The following ANKFN1 variants were observed in gnomAD, a reference collection of about 807,000 sequenced individuals.
The protein encoded by ANKFN1 is ankyrin repeat and fibronectin type-III domain-containing protein 1.
In ANKFN1, 74 loss-of-function variants were observed where a neutral mutation model predicts 108.7. The observed-to-expected ratio is 0.68, with a 90% CI of 0.56 to 0.83. ANKFN1 has a LOEUF of 0.83. Among genes scored for constraint, ANKFN1 ranks in the 40% least tolerant of loss-of-function variants. ANKFN1 has a pLI of 0.00. For synonymous variants in ANKFN1, 547 were observed against 516.2 expected (o/e 1.06, Z -0.81); for missense variants, 1,505 against 1,382.3 (o/e 1.09, Z -1.41).
At chr17:56,265,779 C>T (rs1348252458) in intron 3 of ANKFN1, among the ~76,000 whole-genome samples, 1 of 152,260 alleles carries the variant, frequency 6.6e-6, no homozygotes, top group African/African-American at 2.4e-5. Context: ...CTTATAATAC[C>T]TAATACAATG....
intron 10 of ANKFN1, among the ~76,000 whole-genome samples, chr17:56,444,958 G>C (rs1040627301): frequency 1.7e-4 from 26 of 152,224 alleles, no homozygotes; most frequent in African/African-American, 6.0e-4. Flanking sequence ...ACTACACCAG[G>C]TCAGACAGGG....
intron 8 of ANKFN1, among the ~76,000 whole-genome samples, chr17:56,393,477 C>T (rs1323833762): frequency 1.3e-5 from 2 of 152,274 alleles, no homozygotes; most frequent in East Asian, 3.9e-4. Context: ...GCATGCCTGT[C>T]TCTATGGATA....
intron 4 of ANKFN1, among the ~76,000 whole-genome samples, chr17:56,117,991 T>C (rs559377271): frequency 6.6e-5 from 10 of 152,258 alleles, no homozygotes; most frequent in Non-Finnish European, 1.5e-4. Context: ...CAAAATGTTG[T>C]CTTTTGTGAC....
At chr17:56,165,667 T>C (rs577332277) in intron 1 of ANKFN1, among the ~76,000 whole-genome samples, 2 of 152,064 alleles carry the variant, frequency 1.3e-5, no homozygotes, top group Non-Finnish European at 1.5e-5. Flanking sequence ...AGTTTTCATA[T>C]GGGTGTTTGG....
At chr17:56,315,235 T>C (rs921888170) in intron 3 of ANKFN1, among the ~76,000 whole-genome samples, 4 of 152,240 alleles carry the variant, frequency 2.6e-5, no homozygotes, top group Non-Finnish European at 5.9e-5. Flanking sequence ...TGTAGCATGA[T>C]TCATTCTCTC....
At chr17:56,203,470 C>T (rs1914232159) in intron 1 of ANKFN1, among the ~76,000 whole-genome samples, 1 of 152,208 alleles carries the variant, frequency 6.6e-6, no homozygotes, top group Non-Finnish European at 1.5e-5. Flanking sequence ...GGACTTTGAT[C>T]TCCGTGGCCA....
At chr17:56,481,428 A>T (rs905048205) in intron 17 of ANKFN1, among the ~76,000 whole-genome samples, 1 of 152,164 alleles carries the variant, frequency 6.6e-6, no homozygotes, top group African/African-American at 2.4e-5. Context: ...AACATGAGGT[A>T]GCATTATTTA....
chr17:56,083,532 T>G (rs1339548154), intron 4 of ANKFN1, among the ~76,000 whole-genome samples: 1 of 151,474 alleles, frequency 6.6e-6, no homozygotes, highest in Non-Finnish European at 1.5e-5. Flanking sequence ...ATGTAGCTAT[T>G]GAACTTAAAC....
At chr17:56,220,049 TA>T (rs1915727305) in intron 2 of ANKFN1, among the ~76,000 whole-genome samples, 1 of 152,216 alleles carries the variant, frequency 6.6e-6, no homozygotes, top group African/African-American at 2.4e-5. Context: ...AGTATGCTGG[TA>T]AACTTATTCT....
rs1471449184 is a variant in ANKFN1, at chr17:56,513,654, G to T, written c.*2385G>T. Among the ~76,000 whole-genome samples the T allele has an allele frequency of 1.3e-5, 2 of 152,140 alleles. No homozygotes were observed. Among genetic ancestry groups the T allele is most frequent in the Non-Finnish European group, 2.9e-5 (2 of 68,026 alleles). On this transcript the variant is annotated 3_prime_UTR_variant, in exon 21 of 21. Coordinates refer to ENST00000682825, the MANE Select transcript of ANKFN1 (RefSeq NM_001370326.1). ...ACCCACCCTTCTGACCCCTCATTTGGTCAGTAAGTTCTGGCATACTGGACC... is the reference window on the plus strand; with the variant it reads ...ACCCACCCTTCTGACCCCTCATTTGTTCAGTAAGTTCTGGCATACTGGACC...
intron 3 of ANKFN1, among the ~76,000 whole-genome samples, chr17:56,246,253 T>A (rs1277656078): frequency 1.3e-5 from 2 of 152,198 alleles, no homozygotes; most frequent in African/African-American, 2.4e-5. Flanking sequence ...TCTTGGCCTT[T>A]TGGCTATGAT....
intron 8 of ANKFN1, among the ~76,000 whole-genome samples, chr17:56,385,766 A>G (rs1385720349): frequency 1.3e-5 from 2 of 152,220 alleles, no homozygotes; most frequent in East Asian, 1.9e-4. Flanking sequence ...CAAAACCACA[A>G]TGAGATACCA....
intron 8 of ANKFN1, among the ~76,000 whole-genome samples, chr17:56,414,731 C>T (rs960099090): frequency 6.6e-6 from 1 of 151,998 alleles, no homozygotes; most frequent in Non-Finnish European, 1.5e-5. Context: ...GATAAAAACC[C>T]TCAAAAGGCT....
At chr17:56,381,287 A>T (rs1221854732) in intron 8 of ANKFN1, among the ~76,000 whole-genome samples, 1 of 152,204 alleles carries the variant, frequency 6.6e-6, no homozygotes, top group African/African-American at 2.4e-5. Flanking sequence ...ACCCATCTGT[A>T]CATCACCATC....
chr17:56,294,928 C>T (rs1870915912), intron 3 of ANKFN1, among the ~76,000 whole-genome samples: 1 of 152,194 alleles, frequency 6.6e-6, no homozygotes, highest in Non-Finnish European at 1.5e-5. Context: ...TAGCAAGAGA[C>T]CATGATCTTT....
At position 56,253,906 on chromosome 17, in the gene ANKFN1, G is replaced by A. The variant is rs182933804; in HGVS notation, c.53+25949G>A. ...GAGTGTGCCCAGACATTGTATTTTG[G>A]GTATTTACATATGTATCTTCATATC... On this transcript the variant is annotated intron_variant, in intron 3 of 20. Transcript: ENST00000682825. Among the ~76,000 whole-genome samples the A allele has an allele frequency of 1.6e-3, 236 of 151,954 alleles. 1 individual carries two copies. Among genetic ancestry groups the A allele is most frequent in the African/African-American group, 5.5e-3 (228 of 41,432 alleles).
intron 3 of ANKFN1, among the ~76,000 whole-genome samples, chr17:56,240,517 G>GTTAGC (rs1917502823): frequency 6.6e-6 from 1 of 152,032 alleles, no homozygotes; most frequent in Non-Finnish European, 1.5e-5. Flanking sequence ...GTAGCCTCAT[G>GTTAGC]TACCTGGGCA....
chr17:56,369,127 T>G (rs1163591068), intron 6 of ANKFN1, among the ~76,000 whole-genome samples: 2 of 152,172 alleles, frequency 1.3e-5, no homozygotes, highest in Non-Finnish European at 2.9e-5. Context: ...CATGCTACAG[T>G]TATTAATCTG....
intron 1 of ANKFN1, among the ~76,000 whole-genome samples, chr17:56,170,522 G>A (rs1429337813): frequency 1.3e-5 from 2 of 151,720 alleles, no homozygotes; most frequent in African/African-American, 4.8e-5. Context: ...CAGCACCTTG[G>A]GAGGCCAAGG....
Sources: gnomAD v4.1 joint callset for allele counts (sites outside exome capture counted in the v4.1 genomes callset) on GRCh38, gnomAD v4.1.1 for gene constraint, MANE v1.5 for transcripts, NCBI Gene and HGNC (gene_info 2026-07-23, HGNC 2026-07-21) for gene names.